Variants in HSPBP1 observed in about 807,000 individuals in gnomAD.
HSPBP1 encodes HSPA (Hsp70) binding protein 1.
Under a neutral mutation model 41.7 loss-of-function variants are expected in HSPBP1, and 31 were observed. The ratio of observed to expected loss-of-function variants is 0.74; its 90% confidence interval spans 0.56 to 1.00. HSPBP1 has a LOEUF of 1.00. HSPBP1 is among the 50% of genes least tolerant of loss of function. The pLI, the probability that HSPBP1 is intolerant of heterozygous loss-of-function variation, is 0.00. For missense variants in HSPBP1, 439 were observed against 487.9 expected (o/e 0.90, Z 0.94); for synonymous variants, 199 against 214.4 (o/e 0.93, Z 0.63).
At chr19:55,271,934 T>G (rs183388620) in intron 4 of HSPBP1, among the ~76,000 whole-genome samples, 1 of 152,228 alleles carries the variant, frequency 6.6e-6, no homozygotes, top group East Asian at 1.9e-4. Flanking sequence ...TGGTGGCATG[T>G]GCCTGTAAAC....
At position 55,279,476 on chromosome 19, in the gene HSPBP1, G is replaced by A. The variant is rs1450764614; in HGVS notation, c.133C>T (p.Leu45Phe). Residue 45 changes from leucine to phenylalanine, a missense_variant, in exon 2 of 8, where the codon CTC becomes TTC. Physicochemically the swap from Leu to Phe is conservative, Grantham distance 22 (BLOSUM62 0). Coordinates refer to ENST00000433386, the MANE Select transcript of HSPBP1 (RefSeq NM_012267.5). ...GSGNSRPPRNLQGLLQMAITA... is the reference protein window; with the variant it reads ...GSGNSRPPRNFQGLLQMAITA... ...ATGGCCATCTGCAGCAAGCCTTGGA[G>A]GTTGCGTGGGGGCCGGGAATTGCCC... The A allele has an allele frequency of 9.3e-6, 15 of 1,607,354 alleles. No individual in the cohort carries two copies. The highest frequency in any genetic ancestry group is 1.3e-5 in the Non-Finnish European group (15 of 1,178,736).
chr19:55,269,991 C>T (rs531829404), intron 4 of HSPBP1, among the ~76,000 whole-genome samples: 1 of 152,186 alleles, frequency 6.6e-6, no homozygotes, highest in East Asian at 1.9e-4. Context: ...CTGGGAAGGG[C>T]AGTGGCACCA....
intron 7 of HSPBP1, among the ~76,000 whole-genome samples, chr19:55,264,858 G>C (rs2087730345): frequency 6.6e-6 from 1 of 152,136 alleles, no homozygotes; most frequent in South Asian, 2.1e-4. Flanking sequence ...ATGAAAGCCT[G>C]AACCAGCGGA....
At chr19:55,264,218 C>T (rs891473477) in intron 7 of HSPBP1, among the ~76,000 whole-genome samples, 1 of 152,126 alleles carries the variant, frequency 6.6e-6, no homozygotes, top group African/African-American at 2.4e-5. Flanking sequence ...TTGCCTGCCT[C>T]GGCCTCCCAA....
At chr19:55,277,500 T>C in intron 3 of HSPBP1, 142 bp downstream of exon 3, 1 of 820,430 alleles carries the variant, frequency 1.2e-6, no homozygotes, top group Non-Finnish European at 2.0e-6. Flanking sequence ...CCTTGCTCCT[T>C]ATGGCAATGG....
chr19:55,267,127 T>C (rs572883376), intron 4 of HSPBP1, among the ~76,000 whole-genome samples: 19 of 152,302 alleles, frequency 1.2e-4, no homozygotes, highest in African/African-American at 4.6e-4. Context: ...TCATCTTTTT[T>C]AATTTTTTTA....
At chr19:55,276,868 C>T (rs1360362970) in intron 3 of HSPBP1, among the ~76,000 whole-genome samples, 2 of 152,090 alleles carry the variant, frequency 1.3e-5, no homozygotes, top group Non-Finnish European at 2.9e-5. Flanking sequence ...AGGCCTGACA[C>T]GTTACGTTTA....
intron 2 of HSPBP1, 90 bp downstream of exon 2, chr19:55,279,309 C>T: frequency 1.7e-6 from 2 of 1,165,274 alleles, no homozygotes; most frequent in Non-Finnish European, 2.5e-6. Context: ...AGACCCTAGT[C>T]TTCTTGTGGC....
chr19:55,262,717 A>AG (rs775926104), intron 7 of HSPBP1, 35 bp from the exon 8 acceptor site: 1 of 1,594,234 alleles, frequency 6.3e-7, no homozygotes, highest in Non-Finnish European at 8.6e-7. Flanking sequence ...AAGGGGCCTG[A>AG]GTGCAGAGGC....
intron 4 of HSPBP1, among the ~76,000 whole-genome samples, chr19:55,267,731 T>C (rs2087825745): frequency 6.6e-6 from 1 of 152,224 alleles, no homozygotes; most frequent in Non-Finnish European, 1.5e-5. Flanking sequence ...GGTGCTGGGA[T>C]TACAGGCGTG....
At chr19:55,263,680 G>A (rs2087702159) in intron 7 of HSPBP1, among the ~76,000 whole-genome samples, 1 of 152,168 alleles carries the variant, frequency 6.6e-6, no homozygotes, top group African/African-American at 2.4e-5. Flanking sequence ...GGGCAGAACA[G>A]CCATCACAGC....
At chr19:55,277,168 C>T (rs1042082317) in intron 3 of HSPBP1, among the ~76,000 whole-genome samples, 1 of 152,216 alleles carries the variant, frequency 6.6e-6, no homozygotes, top group African/African-American at 2.4e-5. Flanking sequence ...GCGCCTGGCC[C>T]CTCACTCACT....
rs867097651 is a variant in HSPBP1 at position 55,279,398 on chromosome 19, C to T, written c.210+1G>A. On this transcript the variant is annotated splice_donor_variant, in intron 2 of 7. Transcript: ENST00000433386. LOFTEE classifies it high-confidence loss of function. The stretch of plus-strand genomic sequence containing the variant: ...CAGCTTCTTGGGTCCCCATCCTTTA[C>T]CTCCTCACTCATCGGTTCTGGAGGA... 1 of 1,586,094 alleles carries T rather than the reference C, an allele frequency of 6.3e-7. No individual in the cohort carries two copies. The highest frequency in any genetic ancestry group is 1.2e-5 in the South Asian group (1 of 86,384).
chr19:55,271,133 G>A (rs958961053), intron 4 of HSPBP1, among the ~76,000 whole-genome samples: 1 of 152,124 alleles, frequency 6.6e-6, no homozygotes, highest in African/African-American at 2.4e-5. Flanking sequence ...ACCAGGTTTG[G>A]GGACAGGGAC....
intron 4 of HSPBP1, among the ~76,000 whole-genome samples, chr19:55,269,356 G>A (rs1393990492): frequency 6.6e-6 from 1 of 151,992 alleles, no homozygotes; most frequent in Non-Finnish European, 1.5e-5. Flanking sequence ...TTGATCTCTT[G>A]CCTAGGTTAT....
At position 55,268,590 on chromosome 19, in the gene HSPBP1, T is replaced by C. The variant is rs1394433194; in HGVS notation, c.641-2304A>G. ...AGACTTAGCATGACAAAAAATACAG[T>C]GTCTCATTAATAGTCCATATTAATT... On this transcript the variant is annotated intron_variant, in intron 4 of 7. Coordinates refer to ENST00000433386, the MANE Select transcript of HSPBP1 (RefSeq NM_012267.5). The surrounding 1 kb of genome is among the most constrained non-coding windows in gnomAD (Gnocchi z 4.5). 6.6e-6 allele frequency among the ~76,000 whole-genome samples: 1 copy of C among 152,194 alleles called. No individual in the cohort carries two copies. Among genetic ancestry groups the C allele is most frequent in the East Asian group, 1.9e-4 (1 of 5,206 alleles).
At chr19:55,265,236 T>G (rs370434885) in intron 7 of HSPBP1, 42 bp downstream of exon 7, 56 of 860,612 alleles carry the variant, frequency 6.5e-5, no homozygotes, top group Non-Finnish European at 7.5e-5. Context: ...CCCCTCCCCC[T>G]TGCACCTGGT....
rs957423749 is a variant in HSPBP1, at chr19:55,265,279, T to C, written c.1004A>G (p.Gln335Arg). Residue 335 changes from glutamine (Q) to arginine (R), a missense_variant and splice_region_variant, in exon 7 of 8, where the codon CAG (glutamine) becomes CGG (arginine). Gln to Arg is a conservative substitution (Grantham distance 43). Coordinates refer to ENST00000433386, the MANE Select transcript of HSPBP1 (RefSeq NM_012267.5). ...GCACCCCGTCCCCTCCCCATGTACC[T>C]GGTACTCCTCATGCTGCTGCAGCAG... ...CQLLQQHEEYQEELEFCEKLL... is the reference protein window; with the variant it reads ...CQLLQQHEEYREELEFCEKLL... The C allele has an allele frequency of 3.3e-6, 5 of 1,518,950 alleles. No homozygotes were observed. The highest frequency in any genetic ancestry group is 4.5e-6 in the Non-Finnish European group (5 of 1,123,004). 94.1% of individuals were successfully genotyped at this position (1,518,950 alleles called of 1,614,324 possible).
intron 5 of HSPBP1, 42 bp downstream of exon 5, chr19:55,266,089 C>T (rs548226704): frequency 9.1e-5 from 144 of 1,584,344 alleles, no homozygotes; most frequent in Non-Finnish European, 1.2e-4. Flanking sequence ...CACCCCAGGG[C>T]GTCTGCTCCC....
Sources: allele counts gnomAD v4.1 joint callset (sites outside exome capture counted in the v4.1 genomes callset), GRCh38; gene constraint gnomAD v4.1.1; non-coding constraint Gnocchi (gnomAD v3.1); transcripts MANE v1.5; gene names NCBI Gene and HGNC (gene_info 2026-07-23, HGNC 2026-07-21).